VSTM4: variants seen among roughly 807,000 people sequenced by gnomAD.
VSTM4 encodes V-set and transmembrane domain containing 4, also known as V-set and transmembrane domain-containing protein 4.
Under a neutral mutation model 36.4 loss-of-function variants are expected in VSTM4, and 20 were observed. The observed-to-expected ratio is 0.55, with a 90% CI of 0.39 to 0.80. The LOEUF (loss-of-function observed/expected upper bound fraction) is 0.80. Among genes scored for constraint, VSTM4 ranks in the 30% least tolerant of loss-of-function variants. The pLI, the probability that VSTM4 is intolerant of heterozygous loss-of-function variation, is 0.00. For missense variants in VSTM4, 392 were observed against 404.5 expected, an observed-to-expected ratio of 0.97 and a Z score of 0.26; for synonymous variants, 182 against 173.9, an observed-to-expected ratio of 1.05 and a Z score of -0.37.
At chr10:49,083,917 C>T (rs565342371) in intron 3 of VSTM4, among the ~76,000 whole-genome samples, 4 of 152,274 alleles carry the variant, frequency 2.6e-5, no homozygotes, top group Admixed American at 2.6e-4. Context: ...ATAACCAGAA[C>T]CTCAGGGGCT....
intron 7 of VSTM4, among the ~76,000 whole-genome samples, chr10:49,038,683 C>G (rs907291527): frequency 5.9e-5 from 9 of 152,138 alleles, no homozygotes; most frequent in African/African-American, 1.7e-4. Flanking sequence ...AGGTGTGGGG[C>G]AGGCCATGAG....
At chr10:49,037,937 AAAG>A (rs1352239796) in intron 7 of VSTM4, among the ~76,000 whole-genome samples, 3 of 134,860 alleles carry the variant, frequency 2.2e-5, no homozygotes, top group Non-Finnish European at 3.4e-5. Flanking sequence ...AGCTACTATC[AAAG>A]AAAAAAAAAA....
chr10:49,088,465 C>A (rs1844412972), intron 2 of VSTM4, among the ~76,000 whole-genome samples: 1 of 152,184 alleles, frequency 6.6e-6, no homozygotes, highest in African/African-American at 2.4e-5. Flanking sequence ...TACTGACTGC[C>A]AGATTCCCCC....
At chr10:49,104,393 G>A (rs1844726257) in intron 2 of VSTM4, among the ~76,000 whole-genome samples, 1 of 152,200 alleles carries the variant, frequency 6.6e-6, no homozygotes, top group African/African-American at 2.4e-5. Flanking sequence ...CGGGAAAGGT[G>A]CTCTGGGAGG....
intron 2 of VSTM4, among the ~76,000 whole-genome samples, chr10:49,096,717 C>T (rs1055125526): frequency 2.6e-5 from 4 of 151,074 alleles, no homozygotes; most frequent in Non-Finnish European, 5.9e-5. Flanking sequence ...TACAATGACA[C>T]GATCTCGGCT....
chr10:49,022,359 C>T (rs1033043810), intron 7 of VSTM4, among the ~76,000 whole-genome samples: 1 of 152,082 alleles, frequency 6.6e-6, no homozygotes. Flanking sequence ...AACAACTAAA[C>T]CACCTTCATT....
Position 49,020,816 on chromosome 10 carries a change from T to C in VSTM4, c.838-1041A>G, listed in dbSNP as rs372388001. Among the ~76,000 whole-genome samples the C allele has an allele frequency of 6.6e-5, 10 of 151,980 alleles. No homozygotes were observed. The South Asian group carries it at 1.7e-3, about 25-fold the overall frequency. On this transcript the variant is annotated intron_variant, in intron 7 of 7. Transcript: ENST00000332853. ...GAGAGGGAGGAAGAGAGGATATCATTTATTAATACAAATTTTAAGTTAAAT... is the reference window on the plus strand; with the variant it reads ...GAGAGGGAGGAAGAGAGGATATCATCTATTAATACAAATTTTAAGTTAAAT...
chr10:49,049,494 C>G (rs961784704), intron 5 of VSTM4, among the ~76,000 whole-genome samples: 1 of 152,182 alleles, frequency 6.6e-6, no homozygotes, highest in African/African-American at 2.4e-5. Flanking sequence ...CCTATTCGCT[C>G]CAGTAATCCA....
chr10:49,113,643 C>T (rs1844937983), intron 1 of VSTM4, among the ~76,000 whole-genome samples: 1 of 152,184 alleles, frequency 6.6e-6, no homozygotes, highest in Non-Finnish European at 1.5e-5. Context: ...AATATATTGT[C>T]TGTCAGTTTT....
chr10:49,073,383 C>A (rs1326263744), intron 4 of VSTM4, among the ~76,000 whole-genome samples: 1 of 152,214 alleles, frequency 6.6e-6, no homozygotes, highest in East Asian at 1.9e-4. Context: ...GGGTCCTGAG[C>A]AATATCTGGG....
At chr10:49,112,145 C>A (rs1173818809) in intron 1 of VSTM4, among the ~76,000 whole-genome samples, 1 of 152,212 alleles carries the variant, frequency 6.6e-6, no homozygotes, top group Non-Finnish European at 1.5e-5. Context: ...TTCCCTACCC[C>A]AGTCAGGTTC....
chr10:49,086,066 C>T, intron 2 of VSTM4, 43 bp from the exon 3 acceptor site: 1 of 1,298,076 alleles, frequency 7.7e-7, no homozygotes, highest in Non-Finnish European at 1.1e-6. Context: ...AAAAATAATG[C>T]CACATGGTAC....
At chr10:49,062,025 A>T (rs891919123) in intron 5 of VSTM4, among the ~76,000 whole-genome samples, 1 of 152,190 alleles carries the variant, frequency 6.6e-6, no homozygotes, top group African/African-American at 2.4e-5. Flanking sequence ...TTGCAAAGTT[A>T]TTTTAGTGAT....
rs991249714 is a variant in VSTM4 at position 49,050,398 on chromosome 10, T to C, written c.669-1814A>G. ...GTTTATAATTAAATGCAAATAAATA[T>C]ACACATGGGTAATAAGAGATAGGCT... On this transcript the variant is annotated intron_variant, in intron 5 of 7. Coordinates refer to ENST00000332853, the MANE Select transcript of VSTM4 (RefSeq NM_001031746.5). Among the ~76,000 whole-genome samples, 10 of 152,178 alleles carry C rather than the reference T, an allele frequency of 6.6e-5. 1 individual carries two copies. The highest frequency in any genetic ancestry group is 5.2e-4 in the Admixed American group (8 of 15,276).
intron 4 of VSTM4, among the ~76,000 whole-genome samples, chr10:49,072,859 C>T (rs1844106019): frequency 1.3e-5 from 2 of 152,212 alleles, no homozygotes; most frequent in African/African-American, 4.8e-5. Flanking sequence ...CCAGGTGACA[C>T]TGCCAGAAGA....
rs754188950 is a variant in VSTM4, at chr10:49,085,967, C to A, written c.514G>T (p.Ala172Ser). Residue 172 changes from alanine (A) to serine (S), a missense_variant, in exon 3 of 8, where the codon GCA becomes TCA. Ala to Ser is a moderately conservative substitution (Grantham distance 99). Coordinates refer to ENST00000332853, the MANE Select transcript of VSTM4 (RefSeq NM_001031746.5). ...SSFEKTKETW[A>S]FFEDLYVYAV... ...ATACAAGCTTTACCTTCAAAAAATG[C>A]CCAAGTCTCTTTTGTTTTCTCAAAG... is the stretch of plus-strand genomic sequence containing the variant. 6.3e-7 allele frequency: 1 copy of A among 1,587,784 alleles called. No homozygotes were observed. The highest frequency in any genetic ancestry group is 8.6e-7 in the Non-Finnish European group (1 of 1,168,786).
chr10:49,073,781 C>T (rs1163584637), intron 4 of VSTM4, among the ~76,000 whole-genome samples: 1 of 152,186 alleles, frequency 6.6e-6, no homozygotes, highest in East Asian at 1.9e-4. Context: ...ATGAAGATTT[C>T]TCCTATAGAC....
intron 5 of VSTM4, among the ~76,000 whole-genome samples, chr10:49,053,268 T>C (rs571808462): frequency 1.3e-5 from 2 of 152,308 alleles, no homozygotes; most frequent in South Asian, 4.1e-4. Context: ...GCAGGCAGGA[T>C]GTCGCACGTG....
chr10:49,086,270 G>A (rs562841467), intron 2 of VSTM4, among the ~76,000 whole-genome samples: 5 of 152,304 alleles, frequency 3.3e-5, no homozygotes, highest in African/African-American at 1.2e-4. Flanking sequence ...TTCAGTAAAA[G>A]CCCCACTTGC....
Sources: gnomAD v4.1 joint callset for allele counts (sites outside exome capture counted in the v4.1 genomes callset) on GRCh38, gnomAD v4.1.1 for gene constraint, MANE v1.5 for transcripts, NCBI Gene and HGNC (gene_info 2026-07-23, HGNC 2026-07-21) for gene names.